HEPHL1: variants seen among roughly 807,000 people sequenced by gnomAD.
The protein encoded by HEPHL1 is hephaestin like 1.
HEPHL1 carries 123 observed loss-of-function variants against 122.0 expected under a neutral mutation model. That is an observed-to-expected ratio of 1.01 (90% CI 0.87 to 1.17). The LOEUF is 1.17. Among genes scored for constraint, HEPHL1 ranks in the 50% most tolerant of loss-of-function variants. HEPHL1 has a pLI of 0.00. For missense variants in HEPHL1, 1,452 were observed against 1,430.5 expected (o/e 1.01, Z -0.24); for synonymous variants, 527 against 508.9 (o/e 1.04, Z -0.48).
intron 1 of HEPHL1, among the ~76,000 whole-genome samples, chr11:94,026,954 C>A (rs919783977): frequency 1.3e-5 from 2 of 152,170 alleles, no homozygotes; most frequent in Non-Finnish European, 2.9e-5. Context: ...TAACAAGTTA[C>A]AAACTAGGTG....
At chr11:94,032,457 TTTAAA>T (rs1389565696) in intron 1 of HEPHL1, among the ~76,000 whole-genome samples, 1 of 152,232 alleles carries the variant, frequency 6.6e-6, no homozygotes, top group Non-Finnish European at 1.5e-5. Flanking sequence ...CTGCGCTCTC[TTTAAA>T]TTATTTTCTT....
At chr11:94,078,133 T>A (rs868640774) in intron 9 of HEPHL1, among the ~76,000 whole-genome samples, 2 of 152,054 alleles carry the variant, frequency 1.3e-5, no homozygotes, top group Non-Finnish European at 2.9e-5. Context: ...AACAAATATT[T>A]CTGGTTGGAT....
intron 1 of HEPHL1, among the ~76,000 whole-genome samples, chr11:94,036,499 T>C (rs1035958183): frequency 6.6e-6 from 1 of 152,048 alleles, no homozygotes; most frequent in African/African-American, 2.4e-5. Context: ...CTCACAACTT[T>C]TCAGGCTCCA....
chr11:94,091,668 C>T (rs55915145), intron 12 of HEPHL1, among the ~76,000 whole-genome samples: 1 of 152,034 alleles, frequency 6.6e-6, no homozygotes, highest in Non-Finnish European at 1.5e-5. Flanking sequence ...TAGAGTGCAA[C>T]AGGAGATATG....
intron 13 of HEPHL1, 114 bp from the exon 14 acceptor site, chr11:94,101,081 C>A: frequency 8.6e-7 from 1 of 1,158,230 alleles, no homozygotes; most frequent in Non-Finnish European, 1.3e-6. Context: ...ATGCCTTTCT[C>A]GGAAAAACAA....
intron 13 of HEPHL1, among the ~76,000 whole-genome samples, chr11:94,093,990 ATATATATATATATATATATATAT>A (rs1946285628): frequency 1.2e-5 from 1 of 86,674 alleles, no homozygotes; most frequent in Non-Finnish European, 2.2e-5. Flanking sequence ...ATATATATAT[ATATATATATATATATATATATAT>A]AAAACTTTAA....
chr11:94,097,624 G>C (rs893738391), intron 13 of HEPHL1, among the ~76,000 whole-genome samples: 1 of 152,108 alleles, frequency 6.6e-6, no homozygotes, highest in Admixed American at 6.5e-5. Context: ...GGGTGTTAAA[G>C]TCTCCCATTA....
chr11:94,100,455 C>T (rs1946359542), intron 13 of HEPHL1, among the ~76,000 whole-genome samples: 1 of 152,214 alleles, frequency 6.6e-6, no homozygotes, highest in South Asian at 2.1e-4. Context: ...GTGGGCTCAT[C>T]TCCATTGGCA....
intron 1 of HEPHL1, among the ~76,000 whole-genome samples, chr11:94,035,988 G>A (rs535193558): frequency 2.0e-5 from 3 of 152,242 alleles, no homozygotes; most frequent in African/African-American, 4.8e-5. Flanking sequence ...CGCCCGCCTC[G>A]GCCTCCCAAA....
rs1946286421 is a variant in HEPHL1 at position 94,094,002 on chromosome 11, AT to A, written c.2434+363del. On this transcript the variant is annotated intron_variant, in intron 13 of 19. Transcript: ENST00000315765. Reference sequence around the variant, plus strand: ...TATATATATATATATATATATATATATATATATATATAAAACTTTAAGTTCT... The same window carrying A: ...TATATATATATATATATATATATATAATATATATATAAAACTTTAAGTTCT... Among the ~76,000 whole-genome samples the A allele has an allele frequency of 3.9e-5, 4 of 103,458 alleles. 1 individual carries two copies. The highest frequency in any genetic ancestry group is 2.9e-4 in the Admixed American group (3 of 10,240). The allele number at this position is 103,458 out of a possible 152,430, so 67.9% of individuals were successfully genotyped here.
rs774900315 is a variant in HEPHL1, at chr11:94,088,955, G to A, written c.2281G>A (p.Ala761Thr). 7 of 1,613,840 alleles carry A rather than the reference G, an allele frequency of 4.3e-6. No individual in the cohort carries two copies. In the Admixed American group the frequency reaches 8.3e-5, roughly 19 times the overall value. ...NWEFEKQHVD[A>T]RGERHGDIFM... Reference sequence around the variant, plus strand: ...GGAGTTCGAAAAGCAGCACGTGGACGCAAGAGGGGAAAGGTACCACAGGCG... The same window carrying A: ...GGAGTTCGAAAAGCAGCACGTGGACACAAGAGGGGAAAGGTACCACAGGCG... Residue 761 changes from alanine (A) to threonine (T), a missense_variant, in exon 12 of 20, where the codon GCA becomes ACA. Physicochemically the swap from Ala to Thr is moderately conservative, Grantham distance 58. Coordinates refer to ENST00000315765, the MANE Select transcript of HEPHL1 (RefSeq NM_001098672.2).
intron 10 of HEPHL1, among the ~76,000 whole-genome samples, chr11:94,083,483 T>C (rs1252295284): frequency 6.6e-6 from 1 of 152,228 alleles, no homozygotes; most frequent in African/African-American, 2.4e-5. Context: ...CCAAACTCAA[T>C]GCCTGCAAGA....
At chr11:94,026,885 T>TA (rs1945630514) in intron 1 of HEPHL1, among the ~76,000 whole-genome samples, 1 of 152,202 alleles carries the variant, frequency 6.6e-6, no homozygotes. Flanking sequence ...TTCTCATCAG[T>TA]AAAATAGGGA....
intron 15 of HEPHL1, 45 bp from the exon 16 acceptor site, chr11:94,104,483 A>G (rs754689071): frequency 7.5e-7 from 1 of 1,330,662 alleles, no homozygotes; most frequent in Non-Finnish European, 1.1e-6. Context: ...AAATATTATT[A>G]AATTACTTAA....
intron 13 of HEPHL1, among the ~76,000 whole-genome samples, chr11:94,096,928 G>A (rs1358978000): frequency 6.6e-6 from 1 of 151,880 alleles, no homozygotes; most frequent in East Asian, 1.9e-4. Flanking sequence ...TGATAGTCTT[G>A]CTGGCAGTCT....
intron 10 of HEPHL1, 97 bp from the exon 11 acceptor site, chr11:94,085,880 C>T (rs1946212451): frequency 1.1e-6 from 1 of 877,710 alleles, no homozygotes; most frequent in Admixed American, 2.1e-5. Context: ...TGTTTATTCT[C>T]TGAAAACAAG....
intron 4 of HEPHL1, among the ~76,000 whole-genome samples, 173 bp from the exon 5 acceptor site, chr11:94,067,323 A>G (rs1946042322): frequency 6.6e-6 from 1 of 151,992 alleles, no homozygotes; most frequent in Non-Finnish European, 1.5e-5. Context: ...AAAACATTTC[A>G]TTTCTCTTTT....
At chr11:94,110,857 G>T in intron 17 of HEPHL1, 46 bp from the exon 18 acceptor site, 2 of 1,524,830 alleles carry the variant, frequency 1.3e-6, no homozygotes, top group South Asian at 1.2e-5. Flanking sequence ...TTGCTGTTCT[G>T]AGCAAAGAAG....
At chr11:94,034,334 A>T (rs4753118) in intron 1 of HEPHL1, among the ~76,000 whole-genome samples, 81,283 of 151,930 alleles carry the variant, frequency 0.54, 22,001 homozygotes, top group South Asian at 0.57. Flanking sequence ...CATCCTGAAA[A>T]GTCTGCAGGG....
Sources: allele counts gnomAD v4.1 joint callset (sites outside exome capture counted in the v4.1 genomes callset), GRCh38; gene constraint gnomAD v4.1.1; transcripts MANE v1.5; gene names NCBI Gene and HGNC (gene_info 2026-07-23, HGNC 2026-07-21).